Variants in METTL15 observed in about 807,000 individuals in gnomAD.
METTL15 encodes the protein 12S rRNA N(4)-cytidine methyltransferase METTL15.
In METTL15, 34 loss-of-function variants were observed where a neutral mutation model predicts 38.3. That is an observed-to-expected ratio of 0.89 (90% CI 0.68 to 1.18). The LOEUF (loss-of-function observed/expected upper bound fraction) is 1.18. Ranked by LOEUF, METTL15 falls within the 50% of genes most tolerant of loss-of-function variation. METTL15 has a pLI of 0.00. For synonymous variants in METTL15, 162 were observed against 170.9 expected (o/e 0.95, Z 0.41); for missense variants, 438 against 498.4 (o/e 0.88, Z 1.15).
intron 6 of METTL15, among the ~76,000 whole-genome samples, chr11:28,510,323 G>C (rs1273446594): frequency 1.3e-5 from 2 of 152,108 alleles, no homozygotes; most frequent in Non-Finnish European, 2.9e-5. Context: ...TAAAAAATAT[G>C]TTTTGCATCT....
chr11:28,286,689 T>C (rs1349660989), intron 4 of METTL15, among the ~76,000 whole-genome samples: 1 of 151,998 alleles, frequency 6.6e-6, no homozygotes, highest in African/African-American at 2.4e-5. Flanking sequence ...CTGAGGACTG[T>C]GGTGTAAGAC....
intron 3 of METTL15, among the ~76,000 whole-genome samples, chr11:28,187,524 CTTT>C (rs34400562): frequency 3.2e-5 from 4 of 126,614 alleles, no homozygotes; most frequent in Non-Finnish European, 3.4e-5. Context: ...AATGTTTGTG[CTTT>C]TTTTTTTTTT....
At chr11:28,339,860 A>G (rs775285333) in intron 3 of METTL15, among the ~76,000 whole-genome samples, 29 of 152,090 alleles carry the variant, frequency 1.9e-4, no homozygotes, top group Non-Finnish European at 3.8e-4. Flanking sequence ...AGTAGGGGGG[A>G]AAGGGGAACT....
intron 6 of METTL15, among the ~76,000 whole-genome samples, chr11:28,501,806 A>G (rs764583161): frequency 1.3e-5 from 2 of 152,294 alleles, no homozygotes; most frequent in East Asian, 1.9e-4. Context: ...TGTGCACTCA[A>G]GAACCTGGCT....
At chr11:28,166,187 G>A (rs1850652307) in intron 3 of METTL15, among the ~76,000 whole-genome samples, 1 of 152,128 alleles carries the variant, frequency 6.6e-6, no homozygotes. Flanking sequence ...AATGACACTG[G>A]AATTTTGATA....
intron 5 of METTL15, among the ~76,000 whole-genome samples, chr11:28,292,476 A>G (rs889995637): frequency 2.6e-5 from 4 of 152,126 alleles, no homozygotes; most frequent in East Asian, 3.9e-4. Context: ...CATTTGGGTC[A>G]GTTCCAAGTC....
chr11:28,516,459 A>G (rs1351098004), intron 6 of METTL15, among the ~76,000 whole-genome samples: 1 of 152,244 alleles, frequency 6.6e-6, no homozygotes, highest in Non-Finnish European at 1.5e-5. Context: ...TCAGCTGATG[A>G]GCTGAGGAGT....
In METTL15 at chr11:28,333,027, G is replaced by A. The variant is rs1424669244; in HGVS notation, c.*2186G>A. ...GAGGCAGAGATTGGAGTGATACATT[G>A]TGGGAACCCTCAGAAGATAGGAAAA... is the stretch of plus-strand genomic sequence containing the variant. On this transcript the variant is annotated 3_prime_UTR_variant, in exon 7 of 7. Transcript: ENST00000407364. 2 of 148,098 alleles carry A rather than the reference G, an allele frequency of 1.4e-5. No homozygotes were observed. The highest frequency in any genetic ancestry group is 2.5e-5 in the African/African-American group (1 of 39,240). 9.2% of individuals were successfully genotyped at this position (148,098 alleles called of 1,614,324 possible).
At chr11:28,279,261 G>A (rs917454403) in intron 4 of METTL15, among the ~76,000 whole-genome samples, 10 of 151,960 alleles carry the variant, frequency 6.6e-5, no homozygotes, top group African/African-American at 2.4e-4. Context: ...ATCTATTTCT[G>A]TCTTCTTACT....
chr11:28,529,548 CT>C (rs1456920176), downstream of METTL15, among the ~76,000 whole-genome samples: 1 of 134,670 alleles, frequency 7.4e-6, no homozygotes, highest in Non-Finnish European at 1.5e-5. Flanking sequence ...TTTCCCCCTA[CT>C]TCTTTCGTGA....
At chr11:28,125,148 A>G (rs945333640) in intron 3 of METTL15, among the ~76,000 whole-genome samples, 2 of 152,222 alleles carry the variant, frequency 1.3e-5, no homozygotes, top group Middle Eastern at 3.4e-3. Context: ...ATATCATGTT[A>G]GTAATAGAAA....
At chr11:28,512,271 C>T (rs946411876) in intron 6 of METTL15, among the ~76,000 whole-genome samples, 3 of 152,222 alleles carry the variant, frequency 2.0e-5, no homozygotes, top group African/African-American at 7.2e-5. Flanking sequence ...CTGGCTTCAC[C>T]CAAGTGGATC....
At chr11:28,373,088 C>T (rs1376587346) in intron 5 of METTL15, among the ~76,000 whole-genome samples, 5 of 152,054 alleles carry the variant, frequency 3.3e-5, no homozygotes, top group Non-Finnish European at 7.4e-5. Flanking sequence ...CATACGTGTG[C>T]ATGTGTCCTT....
chr11:28,116,428 A>G (rs930999118), intron 3 of METTL15, among the ~76,000 whole-genome samples: 6 of 152,202 alleles, frequency 3.9e-5, no homozygotes, highest in East Asian at 1.9e-4. Context: ...TTATTTTTAT[A>G]TCTTTCTTCT....
intron 3 of METTL15, among the ~76,000 whole-genome samples, chr11:28,120,619 G>T (rs1452819953): frequency 1.3e-5 from 2 of 151,948 alleles, no homozygotes; most frequent in Non-Finnish European, 2.9e-5. Context: ...TTTAGTCTCT[G>T]CCTATTTCTT....
At chr11:28,385,182 A>G (rs554609492) in intron 5 of METTL15, among the ~76,000 whole-genome samples, 1 of 152,202 alleles carries the variant, frequency 6.6e-6, no homozygotes, top group African/African-American at 2.4e-5. Flanking sequence ...CTTTTGTTGC[A>G]ATTGCGTTTG....
At chr11:28,232,593 T>G (rs1185679398) in intron 4 of METTL15, among the ~76,000 whole-genome samples, 1 of 151,794 alleles carries the variant, frequency 6.6e-6, no homozygotes, top group Non-Finnish European at 1.5e-5. Context: ...ACACGTTTAT[T>G]TATTTTGTGT....
chr11:28,365,460 A>C (rs774919427), intron 5 of METTL15, among the ~76,000 whole-genome samples: 2 of 152,200 alleles, frequency 1.3e-5, no homozygotes, highest in Non-Finnish European at 2.9e-5. Context: ...TTGTGTGCAT[A>C]AAAGTGTTTA....
At chr11:28,302,178 T>C (rs1420455078) in intron 6 of METTL15, among the ~76,000 whole-genome samples, 1 of 152,166 alleles carries the variant, frequency 6.6e-6, no homozygotes, top group Non-Finnish European at 1.5e-5. Flanking sequence ...CTCAGCTTCC[T>C]GAGTAGCTGG....
Sources: allele counts gnomAD v4.1 joint callset (sites outside exome capture counted in the v4.1 genomes callset), GRCh38; gene constraint gnomAD v4.1.1; transcripts MANE v1.5; gene names NCBI Gene and HGNC (gene_info 2026-07-23, HGNC 2026-07-21).